The following THRB variants were observed in gnomAD, a reference collection of about 807,000 sequenced individuals.
The protein encoded by THRB is thyroid hormone receptor beta.
A neutral mutation model predicts 47.8 loss-of-function variants in THRB; 12 were observed. The observed-to-expected ratio is 0.25, with a 90% CI of 0.16 to 0.41. THRB has a LOEUF of 0.41. THRB is among the 10% of genes least tolerant of loss of function. THRB has a pLI of 1.00. For synonymous variants in THRB, 218 were observed against 212.2 expected, an observed-to-expected ratio of 1.03 and a Z score of -0.24; for missense variants, 348 against 589.2, an observed-to-expected ratio of 0.59 and a Z score of 4.24.
chr3:24,124,442 T>A (rs899172388), intron 10 of THRB, among the ~76,000 whole-genome samples: 4 of 151,174 alleles, frequency 2.6e-5, no homozygotes, highest in Non-Finnish European at 5.9e-5. Flanking sequence ...ATCAACATAT[T>A]ATTGCTTTGG....
chr3:24,450,743 T>G (rs1164309849), intron 1 of THRB, among the ~76,000 whole-genome samples: 1 of 152,144 alleles, frequency 6.6e-6, no homozygotes, highest in South Asian at 2.1e-4. Context: ...CAGCTTTTTT[T>G]TGAGAGAGAG....
rs77344108 is a variant in THRB, at chr3:24,467,055, T to A, written c.-261+27597A>T. On this transcript the variant is annotated intron_variant, in intron 1 of 10. Transcript: ENST00000646209. Reference sequence around the variant, plus strand: ...TCTCTAAAACCTTGCCACTGCTATATCAACTAAGTTTATGGAATATTCTAA... The same window carrying A: ...TCTCTAAAACCTTGCCACTGCTATAACAACTAAGTTTATGGAATATTCTAA... Among the ~76,000 whole-genome samples the A allele has an allele frequency of 1.9e-4, 29 of 152,376 alleles. No homozygotes were observed. In the East Asian group the frequency reaches 4.8e-3, roughly 25 times the overall value.
intron 1 of THRB, among the ~76,000 whole-genome samples, chr3:24,376,646 A>C (rs573118046): frequency 1.9e-3 from 54 of 27,872 alleles, no homozygotes; most frequent in South Asian, 4.7e-3. Context: ...CTGAGACTCC[A>C]AAAAAAGGCA....
chr3:24,361,186 T>C (rs2064038760), intron 1 of THRB, among the ~76,000 whole-genome samples: 1 of 152,198 alleles, frequency 6.6e-6, no homozygotes, highest in Admixed American at 6.5e-5. Flanking sequence ...TGCATGAGCA[T>C]ACACTTGTAA....
chr3:24,231,148 A>C (rs1357698419), intron 3 of THRB, among the ~76,000 whole-genome samples: 1 of 152,220 alleles, frequency 6.6e-6, no homozygotes, highest in African/African-American at 2.4e-5. Context: ...GGTTTGACTT[A>C]GGTTTCTGTC....
chr3:24,230,474 A>G (rs1197140607), intron 3 of THRB, among the ~76,000 whole-genome samples: 1 of 152,198 alleles, frequency 6.6e-6, no homozygotes, highest in Non-Finnish European at 1.5e-5. Context: ...CACTGCTAGG[A>G]AAATGCATTC....
chr3:24,157,063 T>G (rs1178152473), intron 5 of THRB, among the ~76,000 whole-genome samples: 1 of 152,218 alleles, frequency 6.6e-6, no homozygotes, highest in Admixed American at 6.5e-5. Context: ...GGGTGTACTG[T>G]GTGGAAGACA....
chr3:24,259,677 C>T (rs2150472843), intron 3 of THRB, among the ~76,000 whole-genome samples: 1 of 135,958 alleles, frequency 7.4e-6, no homozygotes, highest in Middle Eastern at 4.6e-3. Context: ...AAGTTATTTC[C>T]CATATCAGAG....
chr3:24,204,986 G>A (rs1448065880), intron 4 of THRB, among the ~76,000 whole-genome samples: 1 of 152,142 alleles, frequency 6.6e-6, no homozygotes, highest in Non-Finnish European at 1.5e-5. Flanking sequence ...AAAGCCTCCA[G>A]GAAATATGGG....
chr3:24,257,944 G>C (rs547882027), intron 3 of THRB, among the ~76,000 whole-genome samples: 1 of 152,218 alleles, frequency 6.6e-6, no homozygotes, highest in South Asian at 2.1e-4. Flanking sequence ...CACACTTGGA[G>C]CAACACTTCC....
At chr3:24,370,152 C>A (rs187616754) in intron 1 of THRB, among the ~76,000 whole-genome samples, 3 of 152,004 alleles carry the variant, frequency 2.0e-5, no homozygotes, top group African/African-American at 7.3e-5. Flanking sequence ...CTGCTTAGAA[C>A]GGGGCATTAT....
intron 3 of THRB, among the ~76,000 whole-genome samples, chr3:24,276,571 A>T (rs2053933689): frequency 6.6e-6 from 1 of 152,240 alleles, no homozygotes; most frequent in South Asian, 2.1e-4. Context: ...ATGAATTTGA[A>T]AACTCTTAGC....
At chr3:24,275,521 G>A (rs1040840478) in intron 3 of THRB, among the ~76,000 whole-genome samples, 6 of 152,138 alleles carry the variant, frequency 3.9e-5, no homozygotes, top group Admixed American at 3.9e-4. Context: ...AGGTCAGGGG[G>A]AAAAAGCTGA....
intron 1 of THRB, among the ~76,000 whole-genome samples, chr3:24,354,875 T>G (rs927784761): frequency 2.0e-5 from 3 of 152,072 alleles, no homozygotes; most frequent in Non-Finnish European, 2.9e-5. Context: ...AAATCCACAT[T>G]GATACAGATA....
chr3:24,414,205 C>T (rs1192210593), intron 1 of THRB, among the ~76,000 whole-genome samples: 1 of 151,812 alleles, frequency 6.6e-6, no homozygotes, highest in African/African-American at 2.4e-5. Context: ...CATGAAAACA[C>T]ATCTTTTTAA....
At chr3:24,140,772 C>G (rs985972549) in intron 8 of THRB, among the ~76,000 whole-genome samples, 1 of 152,182 alleles carries the variant, frequency 6.6e-6, no homozygotes, top group Non-Finnish European at 1.5e-5. Context: ...CAGACTCTAC[C>G]TCTCCCAGAG....
At chr3:24,273,138 ACACACACACC>A (rs2053529928) in intron 3 of THRB, among the ~76,000 whole-genome samples, 1 of 152,124 alleles carries the variant, frequency 6.6e-6, no homozygotes. Flanking sequence ...AAACACACAC[ACACACACACC>A]CACACACACC....
intron 1 of THRB, among the ~76,000 whole-genome samples, chr3:24,376,114 C>T (rs556713091): frequency 6.6e-6 from 1 of 152,022 alleles, no homozygotes; most frequent in African/African-American, 2.4e-5. Context: ...TTTATGTGTG[C>T]TTCAGTTGCA....
intron 2 of THRB, among the ~76,000 whole-genome samples, chr3:24,331,978 A>C (rs756971304): frequency 1.3e-5 from 2 of 152,078 alleles, no homozygotes; most frequent in Non-Finnish European, 2.9e-5. Flanking sequence ...GTAGCTGCCT[A>C]ATTGTGACCA....
Sources: gnomAD v4.1 joint callset for allele counts (sites outside exome capture counted in the v4.1 genomes callset) on GRCh38, gnomAD v4.1.1 for gene constraint, MANE v1.5 for transcripts, NCBI Gene and HGNC (gene_info 2026-07-23, HGNC 2026-07-21) for gene names.